Variants in CCNJL observed in about 807,000 individuals in gnomAD.
The protein encoded by CCNJL is cyclin-J-like protein.
A neutral mutation model predicts 33.4 loss-of-function variants in CCNJL; 33 were observed. The observed-to-expected ratio is 0.99, with a 90% CI of 0.75 to 1.32. The LOEUF (loss-of-function observed/expected upper bound fraction) is 1.32. CCNJL is among the 40% of genes most tolerant of loss of function. The probability of loss-of-function intolerance (pLI) is 0.00; values close to 1 mark genes in which losing one functional copy is unlikely to be tolerated. For missense variants in CCNJL, 512 were observed against 499.7 expected (o/e 1.02, Z -0.23); for synonymous variants, 227 against 220.9 (o/e 1.03, Z -0.24).
At chr5:160,338,852 C>T (rs566866165) in intron 1 of CCNJL, among the ~76,000 whole-genome samples, 41 of 152,082 alleles carry the variant, frequency 2.7e-4, no homozygotes, top group African/African-American at 9.9e-4. Context: ...AGTGCAGTGG[C>T]GCGATCTCAG....
intron 3 of CCNJL, among the ~76,000 whole-genome samples, chr5:160,278,345 TG>T (rs1037089531): frequency 6.6e-6 from 1 of 152,046 alleles, no homozygotes; most frequent in Non-Finnish European, 1.5e-5. Flanking sequence ...GATTGACAGG[TG>T]GGGGGGCAAG....
chr5:160,296,279 TC>T (rs1762748552), intron 2 of CCNJL, among the ~76,000 whole-genome samples: 2 of 152,290 alleles, frequency 1.3e-5, no homozygotes, highest in South Asian at 4.1e-4. Flanking sequence ...GAACATCAAT[TC>T]CCTTCACTTA....
Position 160,292,064 on chromosome 5 carries a change from T to TA in CCNJL, c.67-11327dup, listed in dbSNP as rs561347846. ...GCATCACAGTAAGACCCCGTCTCTT[T>TA]AAAAAACAAAACAAAACAAAAACAC... On this transcript the variant is annotated intron_variant, in intron 2 of 5. Transcript: ENST00000257536. 2.9e-3 allele frequency among the ~76,000 whole-genome samples: 435 copies of TA among 152,138 alleles called. 5 individuals carry two copies. Among genetic ancestry groups the TA allele is most frequent in the African/African-American group, 1.0e-2 (414 of 41,500 alleles).
chr5:160,336,000 C>A (rs1763680572), intron 1 of CCNJL, among the ~76,000 whole-genome samples: 1 of 152,120 alleles, frequency 6.6e-6, no homozygotes, highest in Non-Finnish European at 1.5e-5. Context: ...ATCCAAATAC[C>A]AGAGTGTCCC....
At chr5:160,260,425 T>A (rs1761269969) in intron 3 of CCNJL, among the ~76,000 whole-genome samples, 1 of 151,792 alleles carries the variant, frequency 6.6e-6, no homozygotes, top group South Asian at 2.1e-4. Flanking sequence ...CACAAGCGAG[T>A]CACCACTGTG....
chr5:160,329,511 G>A (rs1763580998), intron 1 of CCNJL, among the ~76,000 whole-genome samples: 2 of 151,734 alleles, frequency 1.3e-5, no homozygotes, highest in African/African-American at 4.8e-5. Context: ...CCACCACGCC[G>A]GCTAATTTTT....
intron 2 of CCNJL, among the ~76,000 whole-genome samples, chr5:160,303,753 CAAAA>C (rs1220098548): frequency 6.8e-6 from 1 of 147,324 alleles, no homozygotes; most frequent in African/African-American, 2.5e-5. Context: ...TGTAATAACT[CAAAA>C]AGAAAAAGAG....
intron 1 of CCNJL, chr5:160,326,959 A>C: frequency 3.3e-6 from 2 of 601,070 alleles, no homozygotes. Flanking sequence ...TCTGCTACGA[A>C]GTTTCTCCAA....
At position 160,253,638 on chromosome 5, in the gene CCNJL, C is replaced by T. The variant is rs747988573; in HGVS notation, c.904G>A (p.Val302Met). 2.2e-5 allele frequency: 36 copies of T among 1,612,322 alleles called. No individual in the cohort carries two copies. The highest frequency in any genetic ancestry group is 3.3e-4 in the Middle Eastern group (2 of 6,050). Residue 302 changes from valine to methionine, a missense_variant, in exon 6 of 6, where the codon GTG becomes ATG. Transcript: ENST00000257536. ...ATTLAQFQTP[V>M]QDLCLAYRDS... ...CGATAGGCCAAGCATAGGTCCTGCA[C>T]GGGGGTCTGGAACTGTGCCAGGGTG...
At chr5:160,335,025 G>C (rs1488599830) in intron 1 of CCNJL, among the ~76,000 whole-genome samples, 1 of 152,256 alleles carries the variant, frequency 6.6e-6, no homozygotes, top group Non-Finnish European at 1.5e-5. Context: ...TACTTTGGGA[G>C]GCCAAGGTGG....
intron 2 of CCNJL, among the ~76,000 whole-genome samples, chr5:160,292,779 G>C (rs753344291): frequency 6.6e-6 from 1 of 151,896 alleles, no homozygotes; most frequent in Non-Finnish European, 1.5e-5. Context: ...CATGCATCTT[G>C]TACTCTAATT....
intron 2 of CCNJL, among the ~76,000 whole-genome samples, chr5:160,307,030 G>C (rs1344364458): frequency 6.6e-6 from 1 of 152,234 alleles, no homozygotes; most frequent in Admixed American, 6.5e-5. Context: ...AGTCAATGCT[G>C]TGCCCACACA....
At chr5:160,319,930 T>TAAATAATA (rs550582948) in intron 1 of CCNJL, among the ~76,000 whole-genome samples, 1 of 151,372 alleles carries the variant, frequency 6.6e-6, no homozygotes, top group African/African-American at 2.4e-5. Context: ...AATAAATAAA[T>TAAATAATA]AATAAATAAA....
intron 2 of CCNJL, among the ~76,000 whole-genome samples, chr5:160,295,880 C>A (rs1282222838): frequency 6.6e-6 from 1 of 152,166 alleles, no homozygotes; most frequent in East Asian, 1.9e-4. Flanking sequence ...GTCACAGTAG[C>A]CCTAGGGACC....
chr5:160,274,590 C>A (rs968376763), intron 3 of CCNJL, among the ~76,000 whole-genome samples: 1 of 152,232 alleles, frequency 6.6e-6, no homozygotes, highest in African/African-American at 2.4e-5. Flanking sequence ...GCTTTCCCAC[C>A]CCCCTGAAAG....
In CCNJL at chr5:160,255,540, G is replaced by A. The variant is rs1402342875; in HGVS notation, c.743+9C>T. On this transcript the variant is annotated intron_variant, in intron 5 of 5. Coordinates refer to ENST00000257536, the MANE Select transcript of CCNJL (RefSeq NM_001308173.3). ...TTTCAGAAACACAGGATTCAGGGGAGAAACTTACACCAGCAGGATTTCAAT... is the reference window on the plus strand; with the variant it reads ...TTTCAGAAACACAGGATTCAGGGGAAAAACTTACACCAGCAGGATTTCAAT... The A allele has an allele frequency of 6.2e-7, 1 of 1,613,668 alleles. No homozygotes were observed.
chr5:160,305,995 C>T (rs1041057096), intron 2 of CCNJL, among the ~76,000 whole-genome samples: 9 of 152,218 alleles, frequency 5.9e-5, no homozygotes, highest in Middle Eastern at 3.4e-3. Context: ...GAAATGTGGC[C>T]GGGAACAGTG....
At chr5:160,279,718 T>C (rs1762142356) in intron 3 of CCNJL, among the ~76,000 whole-genome samples, 1 of 152,022 alleles carries the variant, frequency 6.6e-6, no homozygotes, top group African/African-American at 2.4e-5. Flanking sequence ...CAAAGCTCTA[T>C]GACAAGAGGG....
chr5:160,255,927 T>A (rs890233756), intron 4 of CCNJL, among the ~76,000 whole-genome samples: 2 of 152,182 alleles, frequency 1.3e-5, no homozygotes, highest in Non-Finnish European at 2.9e-5. Flanking sequence ...CTCGCTCTGT[T>A]GCCCAGGCTG....
Sources: allele counts gnomAD v4.1 joint callset (sites outside exome capture counted in the v4.1 genomes callset), GRCh38; gene constraint gnomAD v4.1.1; transcripts MANE v1.5; gene names NCBI Gene and HGNC (gene_info 2026-07-23, HGNC 2026-07-21).